ARSK: variants seen among roughly 807,000 people sequenced by gnomAD.
ARSK encodes arylsulfatase family member K.
A neutral mutation model predicts 53.2 loss-of-function variants in ARSK; 37 were observed. The observed-to-expected ratio is 0.70, with a 90% CI of 0.54 to 0.92. ARSK has a LOEUF of 0.92. Ranked by LOEUF, ARSK falls within the 40% of genes least tolerant of loss-of-function variation. The pLI is 0.00. For missense variants in ARSK, 613 were observed against 643.0 expected (o/e 0.95, Z 0.51); for synonymous variants, 208 against 223.2 (o/e 0.93, Z 0.61).
intron 1 of ARSK, among the ~76,000 whole-genome samples, chr5:95,558,846 A>G (rs756561118): frequency 3.8e-4 from 58 of 152,214 alleles, no homozygotes; most frequent in Non-Finnish European, 4.9e-4. Flanking sequence ...CTTCCAAACT[A>G]TAAGACCAGT....
intron 1 of ARSK, among the ~76,000 whole-genome samples, chr5:95,560,658 C>T (rs1239037548): frequency 2.0e-5 from 3 of 151,812 alleles, no homozygotes; most frequent in African/African-American, 7.3e-5. Context: ...TGGACCCTGC[C>T]TTGCACCATA....
intron 6 of ARSK, among the ~76,000 whole-genome samples, chr5:95,597,518 C>T (rs1468952162): frequency 1.3e-5 from 2 of 152,186 alleles, no homozygotes; most frequent in African/African-American, 4.8e-5. Context: ...TGCCTAAGTT[C>T]AAACCCCTCT....
chr5:95,591,930 C>A (rs1046730098), intron 6 of ARSK, among the ~76,000 whole-genome samples: 3 of 152,188 alleles, frequency 2.0e-5, no homozygotes, highest in African/African-American at 4.8e-5. Context: ...ATTTGTACAT[C>A]ATTTGATTGT....
chr5:95,588,526 A>T (rs1241265547), intron 5 of ARSK, among the ~76,000 whole-genome samples: 1 of 151,700 alleles, frequency 6.6e-6, no homozygotes, highest in East Asian at 1.9e-4. Context: ...CTGGCCTGTA[A>T]ATTTTTAAAT....
At chr5:95,573,657 C>T (rs1748872034) in intron 3 of ARSK, among the ~76,000 whole-genome samples, 1 of 152,160 alleles carries the variant, frequency 6.6e-6, no homozygotes, top group Non-Finnish European at 1.5e-5. Flanking sequence ...TTTCATCTTA[C>T]CATTGTAATT....
intron 3 of ARSK, among the ~76,000 whole-genome samples, chr5:95,572,658 G>T (rs578115372): frequency 2.0e-5 from 3 of 152,216 alleles, no homozygotes; most frequent in African/African-American, 4.8e-5. Flanking sequence ...GGCCCCTGTA[G>T]TCCCAGCTCC....
intron 6 of ARSK, among the ~76,000 whole-genome samples, chr5:95,594,173 TA>T (rs1188880260): frequency 2.0e-5 from 3 of 152,166 alleles, no homozygotes; most frequent in Admixed American, 6.5e-5. Flanking sequence ...GGTCTTTATA[TA>T]AAACACTGAA....
At chr5:95,583,685 A>G (rs1005450448) in intron 4 of ARSK, among the ~76,000 whole-genome samples, 3 of 152,194 alleles carry the variant, frequency 2.0e-5, no homozygotes, top group Non-Finnish European at 4.4e-5. Context: ...AGAAACATTG[A>G]GAATTAAAGA....
At chr5:95,600,077 A>T (rs4573018) in intron 6 of ARSK, among the ~76,000 whole-genome samples, 84,252 of 152,018 alleles carry the variant, frequency 0.55, 27,174 homozygotes, top group Non-Finnish European at 0.71. Context: ...AGCAATTTTT[A>T]AAAGTATAAG....
At chr5:95,559,126 G>T (rs974450201) in intron 1 of ARSK, among the ~76,000 whole-genome samples, 1 of 152,120 alleles carries the variant, frequency 6.6e-6, no homozygotes, top group East Asian at 1.9e-4. Flanking sequence ...GGACAAAAGA[G>T]CAAGACTCCA....
At chr5:95,603,172 A>G in intron 7 of ARSK, 65 bp from the exon 8 acceptor site, 2 of 1,300,226 alleles carry the variant, frequency 1.5e-6, no homozygotes, top group Non-Finnish European at 1.0e-6. Context: ...ACCTGTCATA[A>G]TGACATTCTA....
intron 3 of ARSK, among the ~76,000 whole-genome samples, chr5:95,578,270 G>T (rs1017908465): frequency 6.6e-6 from 1 of 151,874 alleles, no homozygotes; most frequent in Non-Finnish European, 1.5e-5. Flanking sequence ...TCCCTGGTCA[G>T]CCTCCCAAGT....
chr5:95,603,389 A>G lies in ARSK; in HGVS notation c.1474A>G (p.Lys492Glu). The change falls in exon 8 of 8, where the codon AAA (lysine) becomes GAA (glutamate). Residue 492 changes from lysine to glutamate, a missense_variant. Coordinates refer to ENST00000380009, the MANE Select transcript of ARSK (RefSeq NM_198150.3). ...QYNKEQFIKW[K>E]QSIGQNYSNV... ...TAATAAAGAGCAGTTTATCAAGTGG[A>G]AACAAAGTATAGGACAGAATTATTC... is the stretch of plus-strand genomic sequence containing the variant. The G allele has an allele frequency of 6.2e-7, 1 of 1,613,806 alleles. No homozygotes were observed. The highest frequency in any genetic ancestry group is 1.1e-5 in the South Asian group (1 of 91,028).
chr5:95,583,294 A>G (rs1294180613), intron 4 of ARSK, 96 bp downstream of exon 4: 9 of 1,186,252 alleles, frequency 7.6e-6, no homozygotes, highest in Non-Finnish European at 9.0e-6. Flanking sequence ...TTTAAAGAAA[A>G]ATTTGAAAAT....
chr5:95,602,134 A>G (rs949706711), intron 7 of ARSK, among the ~76,000 whole-genome samples: 1 of 152,180 alleles, frequency 6.6e-6, no homozygotes, highest in African/African-American at 2.4e-5. Flanking sequence ...AAAGAAAGTA[A>G]CACTATAATG....
intron 6 of ARSK, among the ~76,000 whole-genome samples, chr5:95,599,141 C>T (rs999354667): frequency 2.0e-5 from 3 of 152,184 alleles, no homozygotes; most frequent in African/African-American, 7.2e-5. Context: ...ACAGCTAGAA[C>T]AGCACCTGGT....
At chr5:95,603,024 G>A (rs1749429846) in intron 7 of ARSK, among the ~76,000 whole-genome samples, 1 of 152,068 alleles carries the variant, frequency 6.6e-6, no homozygotes, top group Non-Finnish European at 1.5e-5. Flanking sequence ...GGGATAGCTG[G>A]ACAATGGTAG....
At chr5:95,569,638 ATG>A (rs1373607835) in intron 3 of ARSK, among the ~76,000 whole-genome samples, 3 of 152,330 alleles carry the variant, frequency 2.0e-5, no homozygotes, top group Admixed American at 1.3e-4. Flanking sequence ...TTCAGAGGGA[ATG>A]TGTCTCTGCT....
chr5:95,594,577 C>T (rs1749271087), intron 6 of ARSK, among the ~76,000 whole-genome samples: 1 of 152,120 alleles, frequency 6.6e-6, no homozygotes. Context: ...CACGGTGGCT[C>T]ACGCCTGTAA....
Sources: allele counts gnomAD v4.1 joint callset (sites outside exome capture counted in the v4.1 genomes callset), GRCh38; gene constraint gnomAD v4.1.1; transcripts MANE v1.5; gene names NCBI Gene and HGNC (gene_info 2026-07-23, HGNC 2026-07-21).